The following GMDS variants were observed in gnomAD, a reference collection of about 807,000 sequenced individuals.
GMDS encodes GDP-mannose 4,6 dehydratase.
In GMDS, 20 loss-of-function variants were observed where a neutral mutation model predicts 49.9. The observed-to-expected ratio is 0.40, with a 90% CI of 0.28 to 0.58. GMDS has a LOEUF of 0.58. Among genes scored for constraint, GMDS ranks in the 20% least tolerant of loss-of-function variants. GMDS has a pLI of 0.42. For synonymous variants in GMDS, 177 were observed against 178.6 expected, an observed-to-expected ratio of 0.99 and a Z score of 0.07; for missense variants, 362 against 481.4, an observed-to-expected ratio of 0.75 and a Z score of 2.32.
At chr6:1,860,919 C>A (rs771403549) in intron 7 of GMDS, among the ~76,000 whole-genome samples, 11 of 152,168 alleles carry the variant, frequency 7.2e-5, no homozygotes, top group Non-Finnish European at 1.2e-4. Context: ...AGGGCTGGTG[C>A]CTTCTCTAGT....
chr6:1,972,635 T>C (rs889064885), intron 4 of GMDS, among the ~76,000 whole-genome samples: 4 of 152,266 alleles, frequency 2.6e-5, no homozygotes, highest in Admixed American at 6.5e-5. Flanking sequence ...CTAAATTCTA[T>C]CTGAAATTTA....
In GMDS at chr6:2,007,580, T is replaced by C. The variant is rs552597165; in HGVS notation, c.346-46614A>G. On this transcript the variant is annotated intron_variant, in intron 4 of 10. Transcript: ENST00000380815. ...TCTTTTTTCTTTTTTTTTTAGTTTA[T>C]TTAATTTTATTTCTTTCCAACTTTT... Among the ~76,000 whole-genome samples the C allele has an allele frequency of 2.0e-5, 3 of 152,206 alleles. No homozygotes were observed. In the East Asian group the frequency reaches 5.8e-4, roughly 29 times the overall value.
chr6:1,883,183 G>C (rs935994147), intron 7 of GMDS, among the ~76,000 whole-genome samples: 2 of 152,048 alleles, frequency 1.3e-5, no homozygotes, highest in African/African-American at 2.4e-5. Flanking sequence ...ACGAGGTCAA[G>C]AGATCCAGAC....
chr6:2,218,084 C>T (rs1191642212), intron 1 of GMDS, among the ~76,000 whole-genome samples: 1 of 152,168 alleles, frequency 6.6e-6, no homozygotes, highest in Non-Finnish European at 1.5e-5. Context: ...AGCCCCAAAA[C>T]GCCTTCCAAA....
At chr6:1,726,652 A>C in intron 8 of GMDS, 140 bp from the exon 9 acceptor site, 1 of 616,958 alleles carries the variant, frequency 1.6e-6, no homozygotes, top group South Asian at 2.0e-5. Flanking sequence ...CTGATGCTCC[A>C]GCTGATTATT....
intron 4 of GMDS, among the ~76,000 whole-genome samples, chr6:2,001,689 A>G (rs1228467461): frequency 6.6e-6 from 1 of 152,184 alleles, no homozygotes; most frequent in Non-Finnish European, 1.5e-5. Context: ...ATAAGAATAG[A>G]TGCACAAATC....
At chr6:1,970,874 G>A (rs1188463269) in intron 4 of GMDS, among the ~76,000 whole-genome samples, 2 of 151,392 alleles carry the variant, frequency 1.3e-5, no homozygotes, top group African/African-American at 2.4e-5. Flanking sequence ...TAGGTGATGG[G>A]ATGATAGGTG....
chr6:1,699,530 A>G (rs1324818376), intron 9 of GMDS, among the ~76,000 whole-genome samples: 1 of 152,088 alleles, frequency 6.6e-6, no homozygotes, highest in African/African-American at 2.4e-5. Context: ...AGGCTCCCGG[A>G]AAGAACCCGT....
At chr6:2,158,352 T>C (rs1254575512) in intron 1 of GMDS, among the ~76,000 whole-genome samples, 1 of 152,180 alleles carries the variant, frequency 6.6e-6, no homozygotes, top group Non-Finnish European at 1.5e-5. Flanking sequence ...GATTCCTTAA[T>C]TTATAATTGA....
intron 1 of GMDS, among the ~76,000 whole-genome samples, chr6:2,182,477 T>C (rs1211525194): frequency 6.6e-6 from 1 of 152,196 alleles, no homozygotes; most frequent in Non-Finnish European, 1.5e-5. Context: ...TCAATGCCTA[T>C]CTTCACAGCT....
intron 7 of GMDS, among the ~76,000 whole-genome samples, chr6:1,828,473 A>C (rs1452415563): frequency 2.6e-5 from 4 of 152,234 alleles, no homozygotes; most frequent in Non-Finnish European, 5.9e-5. Context: ...AAACTCAAAG[A>C]GAACTATCCT....
chr6:2,127,003 A>G (rs538420993), intron 1 of GMDS, among the ~76,000 whole-genome samples: 69 of 152,332 alleles, frequency 4.5e-4, no homozygotes, highest in Non-Finnish European at 9.6e-4. Flanking sequence ...TGTGCAGAAG[A>G]GAAAATGTTT....
At chr6:1,844,751 C>G (rs145757906) in intron 7 of GMDS, among the ~76,000 whole-genome samples, 194 of 152,306 alleles carry the variant, frequency 1.3e-3, no homozygotes, top group Admixed American at 3.8e-3. Flanking sequence ...CTTTCAGTGA[C>G]ATTAACAGAT....
intron 1 of GMDS, among the ~76,000 whole-genome samples, chr6:2,178,518 C>A (rs1365759594): frequency 6.6e-6 from 1 of 152,130 alleles, no homozygotes; most frequent in Non-Finnish European, 1.5e-5. Context: ...AAGATCCACC[C>A]CCATGATCCA....
chr6:2,213,783 G>T (rs148067423), intron 1 of GMDS, among the ~76,000 whole-genome samples: 74 of 152,240 alleles, frequency 4.9e-4, no homozygotes, highest in African/African-American at 1.8e-3. Context: ...AAGCTTAAGG[G>T]GGAGAAGGGG....
chr6:1,839,751 A>C (rs1757075522), intron 7 of GMDS, among the ~76,000 whole-genome samples: 1 of 152,154 alleles, frequency 6.6e-6, no homozygotes, highest in Admixed American at 6.5e-5. Flanking sequence ...ACTTGTTACT[A>C]GATGCTACCC....
intron 7 of GMDS, among the ~76,000 whole-genome samples, chr6:1,785,989 G>A (rs538546499): frequency 6.6e-6 from 1 of 152,192 alleles, no homozygotes; most frequent in Non-Finnish European, 1.5e-5. Flanking sequence ...TCAGAAATCT[G>A]AAATATTAAG....
intron 9 of GMDS, among the ~76,000 whole-genome samples, chr6:1,714,127 C>T (rs758458951): frequency 3.1e-4 from 47 of 152,170 alleles, no homozygotes; most frequent in Non-Finnish European, 6.5e-4. Flanking sequence ...ACGCCATTCT[C>T]CCGCCTCAGC....
intron 4 of GMDS, among the ~76,000 whole-genome samples, chr6:2,107,487 T>C (rs1273254292): frequency 6.6e-6 from 1 of 152,238 alleles, no homozygotes; most frequent in African/African-American, 2.4e-5. Context: ...TGGTGTTTAT[T>C]CATTATAAAC....
Sources: gnomAD v4.1 joint callset for allele counts (sites outside exome capture counted in the v4.1 genomes callset) on GRCh38, gnomAD v4.1.1 for gene constraint, MANE v1.5 for transcripts, NCBI Gene and HGNC (gene_info 2026-07-23, HGNC 2026-07-21) for gene names.